SLC44A5: variants seen among roughly 807,000 people sequenced by gnomAD.
SLC44A5 encodes the protein solute carrier family 44 member 5.
A neutral mutation model predicts 101.8 loss-of-function variants in SLC44A5; 57 were observed. The observed-to-expected ratio is 0.56, with a 90% CI of 0.45 to 0.70. The LOEUF (loss-of-function observed/expected upper bound fraction) is 0.70, where lower values mean the gene tolerates loss of function less well. Ranked by LOEUF, SLC44A5 falls within the 30% of genes least tolerant of loss-of-function variation. SLC44A5 has a pLI of 0.00. For synonymous variants in SLC44A5, 281 were observed against 290.9 expected (o/e 0.97, Z 0.35); for missense variants, 737 against 853.1 (o/e 0.86, Z 1.70).
chr1:75,655,708 A>G, the SLC44A5 span, among the ~76,000 whole-genome samples: 3 of 152,200 alleles, frequency 2.0e-5, no homozygotes, highest in Admixed American at 2.0e-4. Context: ...GCAACCAGGT[A>G]CCAGCCCAGT....
At chr1:75,297,308 A>G (rs1237486171) in intron 5 of SLC44A5, among the ~76,000 whole-genome samples, 1 of 152,232 alleles carries the variant, frequency 6.6e-6, no homozygotes, top group Non-Finnish European at 1.5e-5. Context: ...TTTTTGAGAC[A>G]AAGTCTGGCT....
chr1:75,305,582 T>G (rs1318947948), intron 4 of SLC44A5, among the ~76,000 whole-genome samples: 1 of 152,246 alleles, frequency 6.6e-6, no homozygotes, highest in East Asian at 1.9e-4. Flanking sequence ...TAATGTGTTT[T>G]AACCAATTTG....
chr1:75,627,337 G>A, the SLC44A5 span, among the ~76,000 whole-genome samples: 2 of 152,094 alleles, frequency 1.3e-5, no homozygotes, highest in East Asian at 1.9e-4. Flanking sequence ...GGATAGGGTT[G>A]CAATAGTATT....
chr1:75,278,424 G>C (rs1275030600), intron 5 of SLC44A5, among the ~76,000 whole-genome samples: 2 of 151,944 alleles, frequency 1.3e-5, no homozygotes, highest in African/African-American at 4.8e-5. Context: ...TCACCAGTTT[G>C]TATGACAGTC....
At chr1:75,444,310 CTG>C (rs1445807588) in intron 2 of SLC44A5, among the ~76,000 whole-genome samples, 11 of 92,816 alleles carry the variant, frequency 1.2e-4, no homozygotes, top group African/African-American at 4.6e-4. Flanking sequence ...AAACAAAACT[CTG>C]TCAAAAAAAA....
chr1:75,658,260 G>A, the SLC44A5 span, among the ~76,000 whole-genome samples: 1 of 151,832 alleles, frequency 6.6e-6, no homozygotes, highest in Non-Finnish European at 1.5e-5. Context: ...TTTTTTTGTA[G>A]AGATGGGGTT....
At chr1:75,506,288 G>A (rs2101855208) in intron 2 of SLC44A5, among the ~76,000 whole-genome samples, 2 of 152,214 alleles carry the variant, frequency 1.3e-5, no homozygotes, top group South Asian at 4.1e-4. Flanking sequence ...ATCATGTGAT[G>A]CCTCAAGCTT....
chr1:75,481,077 C>T (rs1014891783), intron 2 of SLC44A5, among the ~76,000 whole-genome samples: 4 of 152,130 alleles, frequency 2.6e-5, no homozygotes, highest in African/African-American at 9.7e-5. Context: ...TGGAACAGAA[C>T]AGAGCCCTCA....
chr1:75,320,110 G>A (rs558081699), intron 4 of SLC44A5, among the ~76,000 whole-genome samples: 25 of 152,228 alleles, frequency 1.6e-4, no homozygotes, highest in African/African-American at 6.0e-4. Flanking sequence ...ATTCTGGGAA[G>A]TCAAGAATGT....
At chr1:75,290,301 G>A (rs1432517742) in intron 5 of SLC44A5, among the ~76,000 whole-genome samples, 1 of 152,164 alleles carries the variant, frequency 6.6e-6, no homozygotes. Context: ...TCTGGAGCAT[G>A]GCAGGATCCT....
chr1:75,595,253 C>A (rs566813924), intron 1 of SLC44A5, among the ~76,000 whole-genome samples: 62 of 152,126 alleles, frequency 4.1e-4, no homozygotes, highest in African/African-American at 1.4e-3. Flanking sequence ...GTGATGTATT[C>A]TCTGGAAAAG....
intron 19 of SLC44A5, among the ~76,000 whole-genome samples, 162 bp from the exon 20 acceptor site, chr1:75,214,840 C>T (rs972045358): frequency 5.3e-5 from 8 of 151,296 alleles, no homozygotes. Flanking sequence ...TGTGTGTCCT[C>T]AGCTCTACAC....
the SLC44A5 span, among the ~76,000 whole-genome samples, chr1:75,660,220 C>T: frequency 1.3e-5 from 2 of 151,986 alleles, no homozygotes; most frequent in Admixed American, 6.6e-5. Context: ...AAAAAAGAAT[C>T]AAGAACAAAA....
chr1:75,226,595 A>G (rs1647200386), intron 13 of SLC44A5, among the ~76,000 whole-genome samples: 1 of 152,118 alleles, frequency 6.6e-6, no homozygotes, highest in Admixed American at 6.6e-5. Context: ...ATTGATGGGA[A>G]TGGGACGCAT....
chr1:75,470,145 C>T (rs2101726606), intron 2 of SLC44A5, among the ~76,000 whole-genome samples: 1 of 152,186 alleles, frequency 6.6e-6, no homozygotes, highest in African/African-American at 2.4e-5. Flanking sequence ...AAGAGCTTTT[C>T]ATAACAACCA....
intron 1 of SLC44A5, among the ~76,000 whole-genome samples, chr1:75,554,702 A>G (rs1672124989): frequency 1.3e-5 from 2 of 152,112 alleles, no homozygotes; most frequent in African/African-American, 4.8e-5. Context: ...AGGAGTTTAA[A>G]TTTAGTACCA....
At chr1:75,515,838 A>G (rs1446522086) in intron 2 of SLC44A5, among the ~76,000 whole-genome samples, 1 of 152,002 alleles carries the variant, frequency 6.6e-6, no homozygotes, top group African/African-American at 2.4e-5. Flanking sequence ...ACCTCTATAG[A>G]ATTTTATATA....
intron 5 of SLC44A5, among the ~76,000 whole-genome samples, chr1:75,277,369 C>T (rs1171058573): frequency 6.6e-6 from 1 of 152,170 alleles, no homozygotes; most frequent in Non-Finnish European, 1.5e-5. Context: ...GTATTACTTT[C>T]ACCTGAATGG....
intron 2 of SLC44A5, among the ~76,000 whole-genome samples, chr1:75,407,242 C>T (rs1393888823): frequency 6.6e-6 from 1 of 152,128 alleles, no homozygotes; most frequent in African/African-American, 2.4e-5. Context: ...ATTCCATGCT[C>T]ATGGATAGGA....
Sources: allele counts gnomAD v4.1 joint callset (sites outside exome capture counted in the v4.1 genomes callset), GRCh38; gene constraint gnomAD v4.1.1; transcripts MANE v1.5; gene names NCBI Gene and HGNC (gene_info 2026-07-23, HGNC 2026-07-21).